The following ITGA6 variants were observed in gnomAD, a reference collection of about 807,000 sequenced individuals.
ITGA6 encodes integrin alpha-6.
Under a neutral mutation model 133.6 loss-of-function variants are expected in ITGA6, and 63 were observed. The observed-to-expected ratio is 0.47, with a 90% CI of 0.38 to 0.58. The LOEUF is 0.58. ITGA6 is among the 20% of genes least tolerant of loss of function. ITGA6 has a pLI of 0.00. For synonymous variants in ITGA6, 434 were observed against 482.0 expected, an observed-to-expected ratio of 0.90 and a Z score of 1.30; for missense variants, 1,068 against 1,309.4, an observed-to-expected ratio of 0.82 and a Z score of 2.85.
At position 172,427,915 on chromosome 2, in the gene ITGA6, C is replaced by A. The variant is rs777091551; in HGVS notation, c.127C>A (p.Leu43Ile). 1.9e-6 allele frequency: 3 copies of A among 1,607,120 alleles called. No homozygotes were observed. The East Asian group carries it at 6.8e-5, about 36-fold the overall frequency. ...CCGGAAATATGGAGACCCCGGGAGC[C>A]TCTTCGGCTTCTCGCTGGCCATGCA... The part of the protein sequence containing the change: ...VIRKYGDPGS[L>I]FGFSLAMHWQ... Residue 43 changes from leucine (L) to isoleucine (I), a missense_variant, in exon 1 of 26, where the codon CTC becomes ATC. Around this residue, in one of 3 missense-constraint regions of ITGA6, gnomAD observed 142 missense variants for 145.3 expected, o/e 0.98. Transcript: ENST00000684293.
intron 19 of ITGA6, among the ~76,000 whole-genome samples, chr2:172,488,530 T>C (rs1686787530): frequency 6.6e-6 from 1 of 152,244 alleles, no homozygotes; most frequent in South Asian, 2.1e-4. Context: ...AATATTAATG[T>C]ATGCCTACCT....
At chr2:172,470,350 A>G (rs1194895011) in intron 4 of ITGA6, among the ~76,000 whole-genome samples, 1 of 152,218 alleles carries the variant, frequency 6.6e-6, no homozygotes, top group Non-Finnish European at 1.5e-5. Flanking sequence ...TTTAGCATGA[A>G]TAAATGCTTT....
At chr2:172,474,309 T>C (rs1195252855) in intron 6 of ITGA6, 44 bp downstream of exon 6, 1 of 1,529,794 alleles carries the variant, frequency 6.5e-7, no homozygotes, top group East Asian at 2.2e-5. Flanking sequence ...TCATTTCTGC[T>C]TTGACTAGCT....
At chr2:172,457,977 G>GC (rs1344070685) in intron 1 of ITGA6, among the ~76,000 whole-genome samples, 2 of 151,722 alleles carry the variant, frequency 1.3e-5, no homozygotes, top group Non-Finnish European at 2.9e-5. Flanking sequence ...GCCCCTCCCC[G>GC]CCCCCCAACC....
chr2:172,475,780 T>C (rs1011748125), intron 8 of ITGA6, 95 bp downstream of exon 8: 4 of 780,798 alleles, frequency 5.1e-6, no homozygotes, highest in Admixed American at 1.8e-5. Context: ...ACAAATCTTA[T>C]TTTATTTACA....
intron 5 of ITGA6, among the ~76,000 whole-genome samples, chr2:172,473,266 A>G (rs1450570727): frequency 6.6e-6 from 1 of 152,192 alleles, no homozygotes; most frequent in Non-Finnish European, 1.5e-5. Flanking sequence ...TTTGCTTTTC[A>G]CCAGATCTGT....
Position 172,454,230 on chromosome 2 carries a change from C to A in ITGA6, c.183-11309C>A, listed in dbSNP as rs531230162. Among the ~76,000 whole-genome samples the A allele has an allele frequency of 2.6e-5, 4 of 152,008 alleles. No individual in the cohort carries two copies. In the South Asian group the frequency reaches 8.3e-4, roughly 32 times the overall value. ...TCCCGAGTAGCTAGGACTACAGGTG[C>A]GTGCCACCGTGCCCACCTGATTTTT... On this transcript the variant is annotated intron_variant, in intron 1 of 25. Coordinates refer to ENST00000684293, the MANE Select transcript of ITGA6 (RefSeq NM_000210.4).
intron 17 of ITGA6, 53 bp from the exon 18 acceptor site, chr2:172,487,908 G>A (rs1686760161): frequency 1.3e-6 from 2 of 1,546,424 alleles, no homozygotes; most frequent in Non-Finnish European, 1.8e-6. Context: ...TCTAATTGTA[G>A]TGAGAAAACT....
intron 5 of ITGA6, among the ~76,000 whole-genome samples, 161 bp downstream of exon 5, chr2:172,471,266 G>A (rs977111122): frequency 1.1e-4 from 17 of 152,164 alleles, no homozygotes; most frequent in African/African-American, 4.1e-4. Flanking sequence ...ATCTAGAGGC[G>A]TTAAACCGAC....
Position 172,444,538 on chromosome 2 carries a change from T to C in ITGA6, c.182+16568T>C, listed in dbSNP as rs1306158499. ...TTGGAGCATTTCGGATTTTGGATTTTTAGATTTGGGATGCTCAGTAAGTAT... is the reference window on the plus strand; with the variant it reads ...TTGGAGCATTTCGGATTTTGGATTTCTAGATTTGGGATGCTCAGTAAGTAT... On this transcript the variant is annotated intron_variant, in intron 1 of 25. Transcript: ENST00000684293. 2.6e-5 allele frequency among the ~76,000 whole-genome samples: 4 copies of C among 152,190 alleles called. No homozygotes were observed. In the East Asian group the frequency reaches 7.7e-4, roughly 29 times the overall value.
chr2:172,475,031 T>C lies in ITGA6; in HGVS notation c.1089T>C (p.Asn363=), dbSNP rs1283123008. 1.6e-5 allele frequency: 26 copies of C among 1,604,224 alleles called. No homozygotes were observed. Among genetic ancestry groups the C allele is most frequent in the African/African-American group, 2.7e-5 (2 of 74,712 alleles). ...TGAACCAGCAAGGCAGATGGAATAA[T>C]GTGAAGCCAATTCGTCTTAATGGAA... ...VYMNQQGRWN[N]VKPIRLNGTK... The change falls in exon 7 of 26, where the codon AAT becomes AAC. Residue 363 remains asparagine, a synonymous_variant. Coordinates refer to ENST00000684293, the MANE Select transcript of ITGA6 (RefSeq NM_000210.4).
chr2:172,477,103 A>AG (rs1686207560), intron 9 of ITGA6, among the ~76,000 whole-genome samples: 1 of 149,526 alleles, frequency 6.7e-6, no homozygotes, highest in Non-Finnish European at 1.5e-5. Flanking sequence ...TTGCTTCGCA[A>AG]TTTTTTTTTT....
chr2:172,452,902 A>T (rs902825489), intron 1 of ITGA6, among the ~76,000 whole-genome samples: 1 of 152,186 alleles, frequency 6.6e-6, no homozygotes, highest in Non-Finnish European at 1.5e-5. Flanking sequence ...GTTAGTAAGC[A>T]TTTGATTTTG....
At chr2:172,499,156 G>A (rs1687249245) in intron 24 of ITGA6, among the ~76,000 whole-genome samples, 1 of 152,042 alleles carries the variant, frequency 6.6e-6, no homozygotes, top group South Asian at 2.1e-4. Flanking sequence ...TTGAGCATCT[G>A]TTTTTGCTTT....
chr2:172,490,473 C>CTTCT (rs1686875741), intron 20 of ITGA6, among the ~76,000 whole-genome samples: 1 of 152,230 alleles, frequency 6.6e-6, no homozygotes, highest in African/African-American at 2.4e-5. Context: ...ATAGCATGAT[C>CTTCT]TTCTACTCAT....
intron 23 of ITGA6, chr2:172,495,528 GAAACAAAAACAAAAA>G (rs752192779): frequency 4.0e-5 from 6 of 151,668 alleles, no homozygotes; most frequent in Admixed American, 2.0e-4. Flanking sequence ...TGTCATACCA[GAAACAAAAACAAAAA>G]AAACAAAAAC....
rs1445531590 is a variant in ITGA6 at position 172,469,245 on chromosome 2, G to A, written c.508G>A (p.Gly170Arg). Residue 170 changes from glycine (G) to arginine (R), a missense_variant, in exon 4 of 26, where the codon GGA becomes AGA. Physicochemically the swap from Gly to Arg is moderately radical, Grantham distance 125. Coordinates refer to ENST00000684293, the MANE Select transcript of ITGA6 (RefSeq NM_000210.4). ...NLRIEDDMDG[G>R]DWSFCDGRLR... is the part of the protein sequence containing the mutation. ...CAGGATTGAAGACGATATGGATGGG[G>A]GAGATTGGAGCTTTTGTGATGGGCG... 1 of 1,614,156 alleles carries A rather than the reference G, an allele frequency of 6.2e-7. No individual in the cohort carries two copies. Among genetic ancestry groups the A allele is most frequent in the East Asian group, 2.2e-5 (1 of 44,888 alleles).
At chr2:172,466,738 G>C (rs1386923630) in intron 2 of ITGA6, among the ~76,000 whole-genome samples, 2 of 152,202 alleles carry the variant, frequency 1.3e-5, no homozygotes, top group African/African-American at 4.8e-5. Context: ...TCAGTATCTA[G>C]ACTTATTTTT....
Position 172,432,354 on chromosome 2 carries a change from C to T in ITGA6, c.182+4384C>T, listed in dbSNP as rs927387588. Among the ~76,000 whole-genome samples the T allele has an allele frequency of 4.6e-5, 7 of 152,360 alleles. No homozygotes were observed. In the East Asian group the frequency reaches 1.2e-3, roughly 25 times the overall value. On this transcript the variant is annotated intron_variant, in intron 1 of 25. Coordinates refer to ENST00000684293, the MANE Select transcript of ITGA6 (RefSeq NM_000210.4). Reference sequence around the variant, plus strand: ...AAACTGTGATCCACTATCTTTAGGACATGATCTAATCTCTCCCAACTGGAT... The same window carrying T: ...AAACTGTGATCCACTATCTTTAGGATATGATCTAATCTCTCCCAACTGGAT...
Sources: gnomAD v4.1 joint callset for allele counts (sites outside exome capture counted in the v4.1 genomes callset) on GRCh38, gnomAD v4.1.1 for gene constraint, gnomAD v4.1.1 regional missense constraint, MANE v1.5 for transcripts, NCBI Gene and HGNC (gene_info 2026-07-23, HGNC 2026-07-21) for gene names.